The following UIMC1 variants were observed in gnomAD, a reference collection of about 807,000 sequenced individuals.
The protein encoded by UIMC1 is BRCA1-A complex subunit RAP80.
UIMC1 carries 42 observed loss-of-function variants against 84.9 expected under a neutral mutation model. The observed-to-expected ratio is 0.49, with a 90% CI of 0.39 to 0.64. The LOEUF is 0.64. Ranked by LOEUF, UIMC1 falls within the 30% of genes least tolerant of loss-of-function variation. The probability of loss-of-function intolerance (pLI) is 0.00; values close to 1 mark genes in which losing one functional copy is unlikely to be tolerated. For missense variants in UIMC1, 825 were observed against 847.6 expected (o/e 0.97, Z 0.33); for synonymous variants, 281 against 293.0 (o/e 0.96, Z 0.42).
At chr5:177,018,318 C>G (rs1775714781) in intron 1 of UIMC1, among the ~76,000 whole-genome samples, 1 of 149,282 alleles carries the variant, frequency 6.7e-6, no homozygotes, top group Non-Finnish European at 1.5e-5. Flanking sequence ...CCACTGCACT[C>G]CAGCCTGGGT....
At chr5:176,905,802 T>A in intron 14 of UIMC1, 1 of 641,630 alleles carries the variant, frequency 1.6e-6, no homozygotes, top group Admixed American at 3.0e-5. Flanking sequence ...TAACTTTCAC[T>A]CTGTTTGTTT....
chr5:176,953,481 G>A (rs1274144764), intron 8 of UIMC1, among the ~76,000 whole-genome samples: 1 of 115,794 alleles, frequency 8.6e-6, no homozygotes, highest in African/African-American at 5.5e-5. Context: ...AAATTTTTTT[G>A]AAAACTGGAC....
chr5:176,905,805 G>C, intron 14 of UIMC1: 1 of 644,812 alleles, frequency 1.6e-6, no homozygotes, highest in Non-Finnish European at 2.6e-6. Flanking sequence ...CTTTCACTCT[G>C]TTTGTTTTAA....
At chr5:176,921,947 G>A (rs539895840) in intron 10 of UIMC1, among the ~76,000 whole-genome samples, 2 of 152,054 alleles carry the variant, frequency 1.3e-5, no homozygotes, top group African/African-American at 2.4e-5. Context: ...TCCCCCTGTC[G>A]CTCAATCTAA....
At chr5:176,985,184 A>G (rs893118194) in intron 1 of UIMC1, among the ~76,000 whole-genome samples, 5 of 152,148 alleles carry the variant, frequency 3.3e-5, no homozygotes, top group African/African-American at 1.2e-4. Flanking sequence ...GACTGGGCAC[A>G]GTGGCTCATG....
chr5:176,945,543 T>C (rs776118774), intron 9 of UIMC1, among the ~76,000 whole-genome samples: 5 of 152,222 alleles, frequency 3.3e-5, no homozygotes, highest in African/African-American at 4.8e-5. Context: ...AGAGAGCCTA[T>C]GAATGGACGT....
At chr5:176,957,633 TAA>T (rs1420201694) in intron 7 of UIMC1, among the ~76,000 whole-genome samples, 2 of 152,140 alleles carry the variant, frequency 1.3e-5, no homozygotes, top group Non-Finnish European at 2.9e-5. Context: ...AAGAGGATGT[TAA>T]GTCTCAAGAG....
intron 10 of UIMC1, among the ~76,000 whole-genome samples, chr5:176,942,130 G>A (rs111648345): frequency 0.033 from 5,035 of 152,186 alleles, 298 homozygotes; most frequent in African/African-American, 0.11. Context: ...ATGAACCACC[G>A]CGCCCAGCCT....
At chr5:176,970,933 A>G in intron 3 of UIMC1, 67 bp from the exon 4 acceptor site, 1 of 1,563,152 alleles carries the variant, frequency 6.4e-7, no homozygotes, top group East Asian at 2.3e-5. Context: ...GAGGCAAGAA[A>G]GAGAATTATT....
chr5:177,019,568 G>A (rs1409021622), intron 1 of UIMC1, among the ~76,000 whole-genome samples: 1 of 151,742 alleles, frequency 6.6e-6, no homozygotes, highest in African/African-American at 2.4e-5. Flanking sequence ...CTTGAGTGTG[G>A]GAGTTCAAGG....
intron 10 of UIMC1, among the ~76,000 whole-genome samples, chr5:176,915,018 C>A (rs970665692): frequency 6.6e-6 from 1 of 152,108 alleles, no homozygotes; most frequent in Admixed American, 6.5e-5. Flanking sequence ...TTTTATTTTT[C>A]TTTCTCTACT....
In UIMC1 at chr5:177,000,821, T is replaced by C. The variant is rs768503325; in HGVS notation, c.-9+5829A>G. On this transcript the variant is annotated intron_variant, in intron 1 of 14. Coordinates refer to ENST00000511320, the MANE Select transcript of UIMC1 (RefSeq NM_001199298.2). ...AGCCTGCATGTCTTCTTTGGAGTAA[T>C]GTCTATTCAAATCTTTTGCCCATTT... is the stretch of plus-strand genomic sequence containing the variant. Among the ~76,000 whole-genome samples, 50 of 152,236 alleles carry C rather than the reference T, an allele frequency of 3.3e-4. 1 individual carries two copies. Among genetic ancestry groups the C allele is most frequent in the African/African-American group, 1.1e-3 (46 of 41,564 alleles).
chr5:176,994,276 C>T (rs1056556877), intron 1 of UIMC1, among the ~76,000 whole-genome samples: 11 of 151,828 alleles, frequency 7.2e-5, no homozygotes, highest in Non-Finnish European at 1.5e-4. Context: ...TTCACAAAAG[C>T]AGATATACTA....
chr5:176,980,278 A>G (rs144412711), intron 2 of UIMC1: 1,634 of 152,222 alleles, frequency 0.011, 10 homozygotes, highest in South Asian at 0.025. Flanking sequence ...CTGTCCTTCC[A>G]TCCATCCACC....
intron 1 of UIMC1, among the ~76,000 whole-genome samples, chr5:177,018,724 G>A (rs1297820247): frequency 6.6e-6 from 1 of 152,202 alleles, no homozygotes; most frequent in African/African-American, 2.4e-5. Flanking sequence ...GAAAACTGGT[G>A]ACAATGAAGG....
chr5:176,992,412 C>T (rs1773004258), intron 1 of UIMC1, among the ~76,000 whole-genome samples: 1 of 150,064 alleles, frequency 6.7e-6, no homozygotes, highest in African/African-American at 2.5e-5. Flanking sequence ...ATCACTAGAA[C>T]TCAAGCGTTC....
chr5:177,005,408 T>G (rs1162398117), intron 1 of UIMC1, among the ~76,000 whole-genome samples: 5 of 152,050 alleles, frequency 3.3e-5, no homozygotes, highest in Non-Finnish European at 7.4e-5. Context: ...ACAATGAACT[T>G]ATTTCCGTAA....
intron 1 of UIMC1, among the ~76,000 whole-genome samples, chr5:177,011,967 A>AT (rs1275286743): frequency 2.6e-5 from 4 of 151,858 alleles, no homozygotes; most frequent in Middle Eastern, 3.2e-3. Context: ...CGCCCAGCTA[A>AT]TTTTTTGTAT....
At chr5:176,910,755 G>T (rs553136385) in intron 11 of UIMC1, among the ~76,000 whole-genome samples, 1 of 152,094 alleles carries the variant, frequency 6.6e-6, no homozygotes, top group Non-Finnish European at 1.5e-5. Context: ...ATTAAAAAGG[G>T]ATACAGAGGC....
Sources: gnomAD v4.1 joint callset for allele counts (sites outside exome capture counted in the v4.1 genomes callset) on GRCh38, gnomAD v4.1.1 for gene constraint, MANE v1.5 for transcripts, NCBI Gene and HGNC (gene_info 2026-07-23, HGNC 2026-07-21) for gene names.